The following HMCN2 variants were observed in gnomAD, a reference collection of about 807,000 sequenced individuals.
The protein encoded by HMCN2 is hemicentin 2.
HMCN2 carries 325 observed loss-of-function variants against 377.5 expected under a neutral mutation model. The ratio of observed to expected loss-of-function variants is 0.86; its 90% CI spans 0.79 to 0.94. The LOEUF is 0.94. HMCN2 is among the 40% of genes least tolerant of loss of function. HMCN2 has a pLI of 0.00. For synonymous variants in HMCN2, 2,007 were observed against 2,046.8 expected (o/e 0.98, Z 0.53); for missense variants, 4,543 against 4,725.3 (o/e 0.96, Z 1.13).
At chr9:130,392,153 A>T (rs994429274) in intron 66 of HMCN2, 35 bp downstream of exon 66, 1 of 986,926 alleles carries the variant, frequency 1.0e-6, no homozygotes, top group Admixed American at 6.2e-5. Context: ...TGGCTATTCC[A>T]CTCAGAGTGG....
chr9:130,373,737 G>GA (rs1564828430), intron 48 of HMCN2, among the ~76,000 whole-genome samples: 14 of 21,938 alleles, frequency 6.4e-4, no homozygotes, highest in Admixed American at 1.1e-3. Flanking sequence ...GGATAGGTAG[G>GA]TGGATGGATA....
rs574797436 is a variant in HMCN2, at chr9:130,358,535, C to T, written c.5677+49C>T. ...GGCCCAGGCCAGCATGTTGGGTGATCCCTTGGGGACCCTTGGGGCTGAAGT... is the reference window on the plus strand; with the variant it reads ...GGCCCAGGCCAGCATGTTGGGTGATTCCTTGGGGACCCTTGGGGCTGAAGT... On this transcript the variant is annotated intron_variant, in intron 36 of 97. Coordinates refer to ENST00000683500, the MANE Select transcript of HMCN2 (RefSeq NM_001291815.2). The T allele has an allele frequency of 6.9e-6, 9 of 1,300,908 alleles. No individual in the cohort carries two copies. In the African/African-American group the frequency reaches 1.4e-4, roughly 20 times the overall value. The allele number at this position is 1,300,908 out of a possible 1,614,324, so 80.6% of individuals were successfully genotyped here. A position where few individuals can be genotyped will look rare whatever the true frequency, so the allele number is the denominator to read the frequency against.
intron 49 of HMCN2, among the ~76,000 whole-genome samples, chr9:130,375,242 C>T (rs942532914): frequency 1.1e-4 from 17 of 152,316 alleles, no homozygotes; most frequent in Admixed American, 1.0e-3. Flanking sequence ...TCCCACTCCC[C>T]CCTCAAACAG....
At chr9:130,276,108 G>A (rs9299329) in intron 1 of HMCN2, among the ~76,000 whole-genome samples, 81,337 of 144,852 alleles carry the variant, frequency 0.56, 23,365 homozygotes, top group East Asian at 0.87. Flanking sequence ...GAGGTCCCTG[G>A]AGGGGCAGGG....
intron 61 of HMCN2, among the ~76,000 whole-genome samples, chr9:130,387,631 G>A (rs1486131396): frequency 2.0e-5 from 3 of 152,298 alleles, no homozygotes; most frequent in South Asian, 2.1e-4. Context: ...TAGAGTGATC[G>A]TGGGCTCAGC....
intron 36 of HMCN2, 120 bp downstream of exon 36, chr9:130,358,606 C>A: frequency 1.1e-6 from 1 of 885,296 alleles, no homozygotes; most frequent in Non-Finnish European, 1.6e-6. Context: ...TAGTTGTGCA[C>A]TTAACTTCAG....
chr9:130,396,226 C>A lies in HMCN2; in HGVS notation c.11111C>A (p.Ala3704Asp). ...GTGAACGTCTCAGTGAACCAGACAG[C>A]CCTGCTGCCTTGCCAGGCCGACGGC... is the stretch of plus-strand genomic sequence containing the variant. Reference protein sequence around the residue: ...PAVNVSVNQTALLPCQADGVP... With the variant: ...PAVNVSVNQTDLLPCQADGVP... Residue 3704 changes from alanine to aspartate, a missense_variant, in exon 73 of 98, where the codon GCC becomes GAC. By Grantham distance (126) the Ala-to-Asp change is moderately radical. This residue lies in a region of HMCN2 where 1,073 missense variants were observed against 1,319.5 expected (regional missense o/e 0.81). Transcript: ENST00000683500. 7.8e-7 allele frequency: 1 copy of A among 1,286,936 alleles called. No individual in the cohort carries two copies. The highest frequency in any genetic ancestry group is 1.0e-6 in the Non-Finnish European group (1 of 986,452). The allele number at this position is 1,286,936 out of a possible 1,614,324, so 79.7% of individuals were successfully genotyped here.
chr9:130,426,163 T>C (rs1844349682), intron 90 of HMCN2, among the ~76,000 whole-genome samples: 1 of 151,980 alleles, frequency 6.6e-6, no homozygotes, highest in African/African-American at 2.4e-5. Flanking sequence ...AACCTCTGGA[T>C]CCTTTCCCCA....
rs1426352626 is a variant in HMCN2 at position 130,430,282 on chromosome 9, A to G, written c.14327-2A>G. 2.0e-6 allele frequency: 3 copies of G among 1,534,996 alleles called. No homozygotes were observed. The highest frequency in any genetic ancestry group is 3.9e-5 in the Admixed American group (2 of 50,800). On this transcript the variant is annotated splice_acceptor_variant, in intron 94 of 97. Transcript: ENST00000683500. LOFTEE classifies it high-confidence loss of function. ...CACACACCTGACCCCACCCGTCTGC[A>G]GATGTCAATGAGTGCCTGCAGCTGC...
Position 130,271,082 on chromosome 9 carries a change from T to C in HMCN2, c.259+4945T>C, listed in dbSNP as rs898731665. 2.7e-5 allele frequency among the ~76,000 whole-genome samples: 4 copies of C among 148,980 alleles called. 1 individual carries two copies. The highest frequency in any genetic ancestry group is 9.7e-5 in the African/African-American group (4 of 41,208). ...TTTTTTTTCCAGTTAGACTGGGTAA[T>C]GTTTTGGGAGGAAGACCCAGCATTA... On this transcript the variant is annotated intron_variant, in intron 1 of 97. Coordinates refer to ENST00000683500, the MANE Select transcript of HMCN2 (RefSeq NM_001291815.2).
At chr9:130,380,025 G>A (rs758371144) in intron 54 of HMCN2, among the ~76,000 whole-genome samples, 4 of 152,096 alleles carry the variant, frequency 2.6e-5, no homozygotes, top group African/African-American at 2.4e-5. Flanking sequence ...ACAGGCATGC[G>A]CCACCACGCC....
chr9:130,421,435 TTCC>T (rs1353630496), intron 86 of HMCN2, among the ~76,000 whole-genome samples: 1 of 152,156 alleles, frequency 6.6e-6, no homozygotes, highest in African/African-American at 2.4e-5. Context: ...AAACCTGCTT[TTCC>T]TCCTTCCCCA....
At chr9:130,424,323 C>T (rs1030740359) in intron 87 of HMCN2, among the ~76,000 whole-genome samples, 1 of 149,870 alleles carries the variant, frequency 6.7e-6, no homozygotes, top group African/African-American at 2.5e-5. Context: ...GGACTACAGA[C>T]GCCTGCCACG....
At chr9:130,405,838 G>A (rs1843063014) in intron 81 of HMCN2, 117 bp from the exon 82 acceptor site, 1 of 726,632 alleles carries the variant, frequency 1.4e-6, no homozygotes, top group South Asian at 1.7e-5. Context: ...GTGACCTTGG[G>A]CAAGTCACTT....
intron 4 of HMCN2, among the ~76,000 whole-genome samples, chr9:130,293,927 G>A (rs1242113282): frequency 6.6e-6 from 1 of 152,146 alleles, no homozygotes; most frequent in Non-Finnish European, 1.5e-5. Flanking sequence ...CAAGGAGATG[G>A]TCGATGAGGA....
Position 130,351,710 on chromosome 9 carries a change from C to T in HMCN2, c.4585+133C>T. The T allele has an allele frequency of 1.6e-6, 1 of 622,266 alleles. No individual in the cohort carries two copies. Among genetic ancestry groups the T allele is most frequent in the South Asian group, 2.2e-5 (1 of 46,236 alleles). 38.5% of individuals were successfully genotyped at this position (622,266 alleles called of 1,614,324 possible). ...TGAGTGATCCCTGAGTCCAAGAAAG[C>T]TGGGGGCTGGGGTCGGGGTTGGGGT... On this transcript the variant is annotated intron_variant, in intron 30 of 97. Transcript: ENST00000683500. The surrounding 1 kb of genome is among the most constrained non-coding windows in gnomAD (Gnocchi z 5.4).
chr9:130,278,031 CATCACCACCACCATCATCATT>C (rs1834879452), intron 1 of HMCN2, among the ~76,000 whole-genome samples: 1 of 36,066 alleles, frequency 2.8e-5, no homozygotes, highest in African/African-American at 1.6e-4. Context: ...CCACCACGAT[CATCACCACCACCATCATCATT>C]ACCACCACCA....
intron 78 of HMCN2, 141 bp from the exon 79 acceptor site, chr9:130,403,053 G>C: frequency 9.6e-7 from 1 of 1,042,306 alleles, no homozygotes; most frequent in Non-Finnish European, 1.3e-6. Flanking sequence ...AATCAGCCAT[G>C]GCGTCCTTGT....
intron 77 of HMCN2, 71 bp from the exon 78 acceptor site, chr9:130,402,718 T>C: frequency 3.1e-6 from 3 of 953,304 alleles, no homozygotes; most frequent in Non-Finnish European, 4.4e-6. Context: ...AGTGGGGTTG[T>C]GTAGGAGCCC....
Sources: allele counts gnomAD v4.1 joint callset (sites outside exome capture counted in the v4.1 genomes callset), GRCh38; gene constraint gnomAD v4.1.1; regional missense constraint gnomAD v4.1.1; non-coding constraint Gnocchi (gnomAD v3.1); transcripts MANE v1.5; gene names NCBI Gene and HGNC (gene_info 2026-07-23, HGNC 2026-07-21).